Variants in PLPP1 observed in about 807,000 individuals in gnomAD.
The protein encoded by PLPP1 is phospholipid phosphatase 1, also known as lipid phosphate phosphohydrolase 1a.
Under a neutral mutation model 31.2 loss-of-function variants are expected in PLPP1, and 24 were observed. The ratio of observed to expected loss-of-function variants is 0.77; its 90% CI spans 0.56 to 1.08. The LOEUF (loss-of-function observed/expected upper bound fraction) is 1.08, where lower values mean the gene tolerates loss of function less well. PLPP1 is among the 50% of genes least tolerant of loss of function. The pLI is 0.00. For synonymous variants in PLPP1, 146 were observed against 126.3 expected (o/e 1.16, Z -1.05); for missense variants, 319 against 342.7 (o/e 0.93, Z 0.55).
intron 1 of PLPP1, among the ~76,000 whole-genome samples, chr5:55,530,920 C>CGATGGTGACATGGTGA (rs1194804258): frequency 2.0e-5 from 3 of 151,920 alleles, no homozygotes; most frequent in African/African-American, 4.8e-5. Context: ...GCAGCGGCCC[C>CGATGGTGACATGGTGA]GATGGTGACA....
chr5:55,475,238 T>A, intron 2 of PLPP1, 61 bp downstream of exon 2: 3 of 1,417,586 alleles, frequency 2.1e-6, no homozygotes, highest in Non-Finnish European at 2.9e-6. Flanking sequence ...ATTAAAAGAG[T>A]AACAGAAAAT....
At chr5:55,487,903 T>G (rs1040767224) in intron 1 of PLPP1, among the ~76,000 whole-genome samples, 10 of 152,034 alleles carry the variant, frequency 6.6e-5, no homozygotes, top group Admixed American at 2.0e-4. Flanking sequence ...CCGAGGCTGG[T>G]GGATCACCTG....
chr5:55,530,202 GT>G, intron 1 of PLPP1: 1 of 1,357,040 alleles, frequency 7.4e-7, no homozygotes, highest in South Asian at 1.2e-5. Context: ...TTGACATTGA[GT>G]TTCTTCATCT....
At chr5:55,497,267 A>G (rs11953086) in intron 1 of PLPP1, among the ~76,000 whole-genome samples, 118,225 of 152,036 alleles carry the variant, frequency 0.78, 47,048 homozygotes, top group Non-Finnish European at 0.87. Context: ...TTTTTAAGAG[A>G]CTGGGTCTTA....
chr5:55,491,811 T>G (rs1304766437), intron 1 of PLPP1, among the ~76,000 whole-genome samples: 1 of 140,222 alleles, frequency 7.1e-6, no homozygotes, highest in Non-Finnish European at 1.5e-5. Flanking sequence ...TGAGTCAAGA[T>G]TGTGCCACTG....
At chr5:55,455,428 C>CA (rs1005946293) in intron 3 of PLPP1, among the ~76,000 whole-genome samples, 2 of 151,484 alleles carry the variant, frequency 1.3e-5, no homozygotes, top group Admixed American at 6.6e-5. Flanking sequence ...CCTGTCTCTA[C>CA]AAAAAAAATA....
In PLPP1 at chr5:55,534,723, A is replaced by G; in HGVS notation, c.-94T>C. The G allele has an allele frequency of 7.5e-7, 1 of 1,325,106 alleles. No individual in the cohort carries two copies. Among genetic ancestry groups the G allele is most frequent in the Non-Finnish European group, 1.0e-6 (1 of 979,742 alleles). The allele number at this position is 1,325,106 out of a possible 1,614,324, so 82.1% of individuals were successfully genotyped here. On this transcript the variant is annotated 5_prime_UTR_variant, in exon 1 of 6. Coordinates refer to ENST00000307259, the MANE Select transcript of PLPP1 (RefSeq NM_003711.4). ...TCTCGAGCCCGGGCCGGGGCTGGCGACGGCCCCGAGCTACGGCCCCTCCCA... is the reference window on the plus strand; with the variant it reads ...TCTCGAGCCCGGGCCGGGGCTGGCGGCGGCCCCGAGCTACGGCCCCTCCCA...
chr5:55,429,692 C>A (rs994434331), intron 4 of PLPP1, among the ~76,000 whole-genome samples: 1 of 152,184 alleles, frequency 6.6e-6, no homozygotes, highest in Admixed American at 6.5e-5. Flanking sequence ...CCCAACAGCC[C>A]CTGCATATCC....
At chr5:55,485,668 C>G (rs1752761093) in intron 1 of PLPP1, among the ~76,000 whole-genome samples, 1 of 151,806 alleles carries the variant, frequency 6.6e-6, no homozygotes, top group Non-Finnish European at 1.5e-5. Flanking sequence ...AAACAATGTT[C>G]AAGGGAGGGG....
intron 1 of PLPP1, among the ~76,000 whole-genome samples, chr5:55,531,791 TA>T (rs1740680560): frequency 6.6e-6 from 1 of 152,236 alleles, no homozygotes; most frequent in African/African-American, 2.4e-5. Flanking sequence ...AAAAGTTTTG[TA>T]TCTCCTGCAC....
At chr5:55,457,987 TAG>T (rs779207900) in intron 3 of PLPP1, among the ~76,000 whole-genome samples, 10 of 152,172 alleles carry the variant, frequency 6.6e-5, no homozygotes, top group Non-Finnish European at 1.5e-4. Context: ...GAGAAAAGAT[TAG>T]AGTTTTCCTG....
At chr5:55,437,737 C>T (rs1284580678) in intron 4 of PLPP1, among the ~76,000 whole-genome samples, 1 of 152,156 alleles carries the variant, frequency 6.6e-6, no homozygotes, top group Non-Finnish European at 1.5e-5. Context: ...TTAATTTCAC[C>T]ATTTTTAGGA....
intron 2 of PLPP1, among the ~76,000 whole-genome samples, chr5:55,473,750 T>G (rs998970213): frequency 6.6e-6 from 1 of 152,126 alleles, no homozygotes; most frequent in Admixed American, 6.5e-5. Flanking sequence ...CTCAACTTCC[T>G]GAGCTGAAAG....
chr5:55,530,655 C>G, intron 1 of PLPP1: 2 of 1,597,960 alleles, frequency 1.3e-6, no homozygotes, highest in African/African-American at 1.3e-5. Context: ...AGAAAACTTC[C>G]TCATTATATT....
chr5:55,530,451 T>G, intron 1 of PLPP1: 5 of 1,257,666 alleles, frequency 4.0e-6, no homozygotes, highest in Non-Finnish European at 5.8e-6. Flanking sequence ...AGAACTTGTA[T>G]TCTCTTGGTA....
intron 3 of PLPP1, among the ~76,000 whole-genome samples, chr5:55,442,950 C>T (rs556544379): frequency 3.3e-5 from 5 of 151,832 alleles, no homozygotes; most frequent in African/African-American, 1.2e-4. Flanking sequence ...ATGCAAATAA[C>T]TAGAATGCAT....
At position 55,425,581 on chromosome 5, in the gene PLPP1, A is replaced by G; in HGVS notation, c.727-247T>C. ...TACTGAATAAAAGAGTTATTTCTAC[A>G]TGTGAATTAGTTTTTTCAAGTCATA... On this transcript the variant is annotated intron_variant, in intron 5 of 5. Coordinates refer to ENST00000307259, the MANE Select transcript of PLPP1 (RefSeq NM_003711.4). 8 of 451,318 alleles carry G rather than the reference A, an allele frequency of 1.8e-5. 1 individual carries two copies. The South Asian group carries it at 3.3e-4, about 19-fold the overall frequency. 28.0% of individuals were successfully genotyped at this position (451,318 alleles called of 1,614,324 possible).
intron 1 of PLPP1, among the ~76,000 whole-genome samples, chr5:55,524,944 C>T (rs1472138815): frequency 6.6e-6 from 1 of 152,112 alleles, no homozygotes; most frequent in African/African-American, 2.4e-5. Flanking sequence ...AAATTCAGGA[C>T]TTATCACTGT....
intron 3 of PLPP1, among the ~76,000 whole-genome samples, chr5:55,464,553 T>A (rs1402565237): frequency 2.6e-5 from 4 of 151,740 alleles, no homozygotes; most frequent in African/African-American, 9.7e-5. Flanking sequence ...GCTTTATTTT[T>A]AATAGCCAAA....
Sources: allele counts gnomAD v4.1 joint callset (sites outside exome capture counted in the v4.1 genomes callset), GRCh38; gene constraint gnomAD v4.1.1; transcripts MANE v1.5; gene names NCBI Gene and HGNC (gene_info 2026-07-23, HGNC 2026-07-21).